Variants in HUNK observed in about 807,000 individuals in gnomAD.
HUNK encodes hormonally up-regulated Neu-associated kinase.
Under a neutral mutation model 61.0 loss-of-function variants are expected in HUNK, and 21 were observed. That is an observed-to-expected ratio of 0.34 (90% CI 0.24 to 0.50). The LOEUF (loss-of-function observed/expected upper bound fraction) is 0.50. HUNK is among the 20% of genes least tolerant of loss of function. HUNK has a pLI of 0.98. For missense variants in HUNK, 772 were observed against 945.7 expected (o/e 0.82, Z 2.41); for synonymous variants, 371 against 386.1 (o/e 0.96, Z 0.46).
intron 10 of HUNK, among the ~76,000 whole-genome samples, chr21:31,996,241 T>A (rs1227640300): frequency 6.6e-6 from 1 of 152,160 alleles, no homozygotes; most frequent in Non-Finnish European, 1.5e-5. Flanking sequence ...GGCACAGTAT[T>A]GCAGGAGCAG....
At chr21:31,969,377 A>AT (rs1434176503) in intron 6 of HUNK, among the ~76,000 whole-genome samples, 1 of 152,138 alleles carries the variant, frequency 6.6e-6, no homozygotes, top group African/African-American at 2.4e-5. Flanking sequence ...CATAGGAGTC[A>AT]TTCGTTTTAG....
At chr21:31,947,111 G>A (rs909215553) in intron 4 of HUNK, among the ~76,000 whole-genome samples, 1 of 149,380 alleles carries the variant, frequency 6.7e-6, no homozygotes, top group Non-Finnish European at 1.5e-5. Flanking sequence ...AACCAGTGGC[G>A]CCTATGCATT....
intron 5 of HUNK, among the ~76,000 whole-genome samples, chr21:31,960,613 G>A (rs536555597): frequency 7.1e-6 from 1 of 141,724 alleles, no homozygotes; most frequent in South Asian, 2.1e-4. Flanking sequence ...TCATAATCAT[G>A]GTGGAATATG....
At chr21:31,880,620 G>T (rs2052299586) in intron 1 of HUNK, among the ~76,000 whole-genome samples, 7 of 152,226 alleles carry the variant, frequency 4.6e-5, no homozygotes, top group South Asian at 2.1e-4. Flanking sequence ...TGGGATGTAG[G>T]TCTACCCTAA....
At chr21:31,988,497 A>G (rs559215145) in intron 8 of HUNK, among the ~76,000 whole-genome samples, 5 of 152,022 alleles carry the variant, frequency 3.3e-5, no homozygotes, top group Non-Finnish European at 7.4e-5. Flanking sequence ...AAATGGGTAG[A>G]AATTTAACTT....
intron 1 of HUNK, among the ~76,000 whole-genome samples, chr21:31,877,499 T>G (rs2052272740): frequency 6.6e-6 from 1 of 152,190 alleles, no homozygotes; most frequent in African/African-American, 2.4e-5. Flanking sequence ...TTTTACTGCT[T>G]GTAAAGGAAA....
chr21:31,876,890 C>T (rs944119633), intron 1 of HUNK, among the ~76,000 whole-genome samples: 1 of 152,110 alleles, frequency 6.6e-6, no homozygotes, highest in Non-Finnish European at 1.5e-5. Context: ...TCAAGTGATC[C>T]TCCCACCTTG....
At chr21:31,897,378 G>A (rs1042013541) in intron 1 of HUNK, among the ~76,000 whole-genome samples, 31 of 152,238 alleles carry the variant, frequency 2.0e-4, no homozygotes, top group African/African-American at 7.5e-4. Flanking sequence ...AGGGCTGCAA[G>A]GAAAGGCTCT....
chr21:31,956,046 G>A (rs773812961), intron 4 of HUNK, among the ~76,000 whole-genome samples: 4 of 152,202 alleles, frequency 2.6e-5, no homozygotes, highest in Non-Finnish European at 4.4e-5. Context: ...TATATTCAGG[G>A]CAGAGGACTG....
At chr21:31,944,236 C>T (rs890116278) in intron 3 of HUNK, among the ~76,000 whole-genome samples, 31 of 152,296 alleles carry the variant, frequency 2.0e-4, no homozygotes, top group Non-Finnish European at 2.2e-4. Flanking sequence ...TGCGCCTCCG[C>T]GCCTGGCTAA....
chr21:31,938,913 C>T (rs1306242674), intron 2 of HUNK, among the ~76,000 whole-genome samples: 1 of 152,208 alleles, frequency 6.6e-6, no homozygotes, highest in Non-Finnish European at 1.5e-5. Flanking sequence ...CACATAAATA[C>T]TTCTGCTTCT....
intron 1 of HUNK, among the ~76,000 whole-genome samples, chr21:31,893,170 A>T (rs1011846869): frequency 2.0e-5 from 3 of 152,150 alleles, no homozygotes; most frequent in Admixed American, 2.0e-4. Flanking sequence ...GGGCCAGGTC[A>T]TGGAAGCTTC....
chr21:31,885,520 C>T (rs1026152646), intron 1 of HUNK, among the ~76,000 whole-genome samples: 4 of 152,134 alleles, frequency 2.6e-5, no homozygotes, highest in Non-Finnish European at 5.9e-5. Context: ...ACCACAGACC[C>T]GGGGGCTGGA....
intron 8 of HUNK, 41 bp from the exon 9 acceptor site, chr21:31,990,088 G>A (rs1280780539): frequency 1.3e-6 from 2 of 1,574,910 alleles, no homozygotes; most frequent in Non-Finnish European, 1.7e-6. Flanking sequence ...TAAATAGCAG[G>A]TGCAGATTCT....
At chr21:31,934,447 A>AG (rs1468553677) in intron 2 of HUNK, among the ~76,000 whole-genome samples, 6 of 151,506 alleles carry the variant, frequency 4.0e-5, no homozygotes, top group Non-Finnish European at 5.9e-5. Context: ...TGCCTCAAAA[A>AG]AAAAAAAAAA....
rs1323671076 is a variant in HUNK at position 32,002,131 on chromosome 21, G to C, written c.*2947G>C. ...AGACAGGGTCTTGCTCTGTCACCCA[G>C]GCTGGAGTGCAGTGGCACAATCACA... On this transcript the variant is annotated 3_prime_UTR_variant, in exon 11 of 11. Coordinates refer to ENST00000270112, the MANE Select transcript of HUNK (RefSeq NM_014586.2). 6.6e-6 allele frequency: 1 copy of C among 152,586 alleles called. No homozygotes were observed. The highest frequency in any genetic ancestry group is 1.5e-5 in the Non-Finnish European group (1 of 68,180). The allele number at this position is 152,586 out of a possible 1,614,324, so 9.5% of individuals were successfully genotyped here.
intron 2 of HUNK, among the ~76,000 whole-genome samples, chr21:31,930,820 G>C (rs1438196794): frequency 5.3e-5 from 8 of 152,132 alleles, no homozygotes; most frequent in Admixed American, 5.2e-4. Flanking sequence ...TAGTGTCAAT[G>C]TGTTTATTTT....
At position 31,999,823 on chromosome 21, in the gene HUNK, T is replaced by TTTG. The variant is rs879135288; in HGVS notation, c.*655_*657dup. ...TTCCCAAGCAAGATTTTGATAGATT[T>TTTG]TTGTTGTTGTTGTTGTTGAAACATG... On this transcript the variant is annotated 3_prime_UTR_variant, in exon 11 of 11. Coordinates refer to ENST00000270112, the MANE Select transcript of HUNK (RefSeq NM_014586.2). The TTTG allele has an allele frequency of 3.9e-4, 78 of 197,796 alleles. No homozygotes were observed. Among genetic ancestry groups the TTTG allele is most frequent in the African/African-American group, 1.3e-3 (58 of 43,432 alleles). The allele number at this position is 197,796 out of a possible 1,614,324, so 12.3% of individuals were successfully genotyped here. A position where few individuals can be genotyped will look rare whatever the true frequency, so the allele number is the denominator to read the frequency against.
chr21:31,974,774 C>A, intron 7 of HUNK, 57 bp downstream of exon 7: 1 of 1,486,800 alleles, frequency 6.7e-7, no homozygotes, highest in Non-Finnish European at 9.0e-7. Context: ...AGAGCTCCTA[C>A]ACCCAAAGTG....
Sources: allele counts gnomAD v4.1 joint callset (sites outside exome capture counted in the v4.1 genomes callset), GRCh38; gene constraint gnomAD v4.1.1; transcripts MANE v1.5; gene names NCBI Gene and HGNC (gene_info 2026-07-23, HGNC 2026-07-21).